WSCD1: variants seen among roughly 807,000 people sequenced by gnomAD.
The protein encoded by WSCD1 is WSC domain sialate O sulfotransferase 1.
In WSCD1, 41 loss-of-function variants were observed where a neutral mutation model predicts 60.4. The observed-to-expected ratio is 0.68, with a 90% CI of 0.53 to 0.88. WSCD1 has a LOEUF of 0.88. Among genes scored for constraint, WSCD1 ranks in the 40% least tolerant of loss-of-function variants. The pLI is 0.00. For synonymous variants in WSCD1, 361 were observed against 332.5 expected (o/e 1.09, Z -0.93); for missense variants, 784 against 796.2 (o/e 0.98, Z 0.18).
At chr17:6,087,182 C>T (rs1392749246) in intron 2 of WSCD1, among the ~76,000 whole-genome samples, 4 of 152,186 alleles carry the variant, frequency 2.6e-5, no homozygotes, top group African/African-American at 7.2e-5. Flanking sequence ...GCGTTTGCAT[C>T]AGGACTGCCA....
At chr17:6,109,818 G>A (rs1211784565) in intron 6 of WSCD1, 52 bp downstream of exon 6, 1 of 1,587,236 alleles carries the variant, frequency 6.3e-7, no homozygotes, top group East Asian at 2.3e-5. Context: ...GGGGTGGGGA[G>A]AGCTTCCAGG....
chr17:6,081,155 C>T (rs2150532107), intron 2 of WSCD1, 70 bp downstream of exon 2: 1 of 1,459,528 alleles, frequency 6.9e-7, no homozygotes, highest in Middle Eastern at 1.8e-4. Flanking sequence ...GTTTGGTGTC[C>T]CCTTTCTCTC....
chr17:6,075,795 C>G lies in WSCD1; in HGVS notation c.-288-4576C>G, dbSNP rs565542368. Among the ~76,000 whole-genome samples, 39 of 152,270 alleles carry G rather than the reference C, an allele frequency of 2.6e-4. No homozygotes were observed. The highest frequency in any genetic ancestry group is 8.9e-4 in the African/African-American group (37 of 41,542). ...AGGGATAGAACCCCTCTAGCCTCCC[C>G]CTGAAGCACTCTGCAGGGTTCCAAG... On this transcript the variant is annotated intron_variant, in intron 1 of 8. Transcript: ENST00000317744. This position sits in a 1 kb window ranked among gnomAD's most constrained non-coding sequence, Gnocchi z 4.1.
At position 6,097,644 on chromosome 17, in the gene WSCD1, C is replaced by T. The variant is rs28673092; in HGVS notation, c.849+2421C>T. On this transcript the variant is annotated intron_variant, in intron 5 of 8. Coordinates refer to ENST00000317744, the MANE Select transcript of WSCD1 (RefSeq NM_015253.2). ...CTATTTCCAGCCTTCACAAACGATG[C>T]GGCAGTGACTACCTGTGTATGTACG... Among the ~76,000 whole-genome samples the T allele has an allele frequency of 4.2e-3, 642 of 152,332 alleles. 5 individuals carry two copies. The highest frequency in any genetic ancestry group is 0.014 in the African/African-American group (593 of 41,568).
At position 6,120,564 on chromosome 17, in the gene WSCD1, A is replaced by C. The variant is rs775348031; in HGVS notation, c.1631A>C (p.Glu544Ala). The change falls in exon 9 of 9, where the codon GAG becomes GCG. Residue 544 changes from glutamate to alanine, a missense_variant. Transcript: ENST00000317744. ...RSHDPEPFTPEMKDLINGYIR... is the reference protein window; with the variant it reads ...RSHDPEPFTPAMKDLINGYIR... ...CACGACCCTGAGCCCTTCACCCCGG[A>C]GATGAAAGACTTGATCAATGGCTAC... The C allele has an allele frequency of 2.5e-6, 4 of 1,613,762 alleles. No individual in the cohort carries two copies. Among genetic ancestry groups the C allele is most frequent in the Non-Finnish European group, 2.5e-6 (3 of 1,180,000 alleles).
rs536541638 is a variant in WSCD1 at position 6,101,060 on chromosome 17, G to C, written c.849+5837G>C. On this transcript the variant is annotated intron_variant, in intron 5 of 8. Coordinates refer to ENST00000317744, the MANE Select transcript of WSCD1 (RefSeq NM_015253.2). This position sits in a 1 kb window ranked among gnomAD's most constrained non-coding sequence, Gnocchi z 4.1. ...TCCTCTCTTCCCTCCTGAATGTTGA[G>C]GGTGGCGAGAGAGGTGAATCTGGGG... Among the ~76,000 whole-genome samples, 2 of 152,292 alleles carry C rather than the reference G, an allele frequency of 1.3e-5. No homozygotes were observed. The highest frequency in any genetic ancestry group is 1.3e-4 in the Admixed American group (2 of 15,296).
At position 6,080,550 on chromosome 17, in the gene WSCD1, C is replaced by G. The variant is rs142552284; in HGVS notation, c.-109C>G. ...GACCCCAGGCGAGCACAGGCAGGTGCCAGGAGCCAGGATGCAAGGATGACG... is the reference window on the plus strand; with the variant it reads ...GACCCCAGGCGAGCACAGGCAGGTGGCAGGAGCCAGGATGCAAGGATGACG... On this transcript the variant is annotated 5_prime_UTR_variant, in exon 2 of 9. Transcript: ENST00000317744. This position sits in a 1 kb window ranked among gnomAD's most constrained non-coding sequence, Gnocchi z 6.6. The G allele has an allele frequency of 1.7e-6, 2 of 1,200,730 alleles. No individual in the cohort carries two copies. Among genetic ancestry groups the G allele is most frequent in the African/African-American group, 3.1e-5 (2 of 64,826 alleles). The allele number at this position is 1,200,730 out of a possible 1,614,324, so 74.4% of individuals were successfully genotyped here.
At chr17:6,074,517 A>G (rs1908730775) in intron 1 of WSCD1, among the ~76,000 whole-genome samples, 1 of 152,250 alleles carries the variant, frequency 6.6e-6, no homozygotes, top group Admixed American at 6.5e-5. Context: ...AAGGAGAGGT[A>G]GGGACATTAG....
intron 5 of WSCD1, among the ~76,000 whole-genome samples, chr17:6,102,844 G>A (rs1269724348): frequency 2.0e-5 from 3 of 150,650 alleles, no homozygotes; most frequent in Non-Finnish European, 4.4e-5. Flanking sequence ...TTTCCTTATT[G>A]CTGTTATAAA....
Position 6,087,940 on chromosome 17 carries a change from G to A in WSCD1, c.428-50G>A, listed in dbSNP as rs370152928. ...GTTCCCCTGGCTTTTCCTAAGGGTGGGCCCATGATTCCTGGGCCTCTGGTA... is the reference window on the plus strand; with the variant it reads ...GTTCCCCTGGCTTTTCCTAAGGGTGAGCCCATGATTCCTGGGCCTCTGGTA... On this transcript the variant is annotated intron_variant, in intron 2 of 8. Coordinates refer to ENST00000317744, the MANE Select transcript of WSCD1 (RefSeq NM_015253.2). 6 of 1,476,876 alleles carry A rather than the reference G, an allele frequency of 4.1e-6. No homozygotes were observed. The African/African-American group carries it at 4.1e-5, about 10-fold the overall frequency. The allele number at this position is 1,476,876 out of a possible 1,614,324, so 91.5% of individuals were successfully genotyped here.
In WSCD1 at chr17:6,120,705, C is replaced by T. The variant is rs1201019153; in HGVS notation, c.*44C>T. 3.2e-6 allele frequency: 5 copies of T among 1,558,840 alleles called. No homozygotes were observed. Among genetic ancestry groups the T allele is most frequent in the Admixed American group, 1.8e-5 (1 of 56,940 alleles). ...CCGCCCCCGCTGAGTGACGCAATCG[C>T]ACCACGGGGCTGCGCTCCCCACTCT... is the stretch of plus-strand genomic sequence containing the variant. On this transcript the variant is annotated 3_prime_UTR_variant, in exon 9 of 9. Transcript: ENST00000317744.
rs1490298783 is a variant in WSCD1, at chr17:6,080,311, T to C, written c.-288-60T>C. ...GCACAGGGTGAGGGGTGTCCCAGCC[T>C]GGGAGTGCCAGGTAGTGGACCCGCC... On this transcript the variant is annotated intron_variant, in intron 1 of 8. Transcript: ENST00000317744. The surrounding 1 kb of genome is among the most constrained non-coding windows in gnomAD (Gnocchi z 6.6). 3.1e-6 allele frequency: 1 copy of C among 321,628 alleles called. No individual in the cohort carries two copies. The highest frequency in any genetic ancestry group is 5.1e-5 in the Admixed American group (1 of 19,764). 19.9% of individuals were successfully genotyped at this position (321,628 alleles called of 1,614,324 possible).
chr17:6,094,573 G>A (rs939500380), intron 4 of WSCD1, among the ~76,000 whole-genome samples: 3 of 125,442 alleles, frequency 2.4e-5, no homozygotes, highest in African/African-American at 5.9e-5. Context: ...GGAAGGAAAA[G>A]GAAGGAGAAG....
intron 5 of WSCD1, among the ~76,000 whole-genome samples, chr17:6,096,979 G>A (rs1217779596): frequency 1.3e-5 from 2 of 152,242 alleles, no homozygotes; most frequent in East Asian, 3.9e-4. Flanking sequence ...GCTCCCAATG[G>A]GGGATACTCA....
rs1270744477 is a variant in WSCD1 at position 6,124,000 on chromosome 17, T to C, written c.*3339T>C. On this transcript the variant is annotated 3_prime_UTR_variant, in exon 9 of 9. Transcript: ENST00000317744. ...TCCTTTCCCAGCAACCCCCCATTTC[T>C]GTTTGGGAATTCATATGATCTGCCA... 1 of 152,182 alleles carries C rather than the reference T, an allele frequency of 6.6e-6. No homozygotes were observed. The highest frequency in any genetic ancestry group is 6.5e-5 in the Admixed American group (1 of 15,274). 9.4% of individuals were successfully genotyped at this position (152,182 alleles called of 1,614,324 possible). A position where few individuals can be genotyped will look rare whatever the true frequency, so the allele number is the denominator to read the frequency against.
intron 6 of WSCD1, 37 bp downstream of exon 6, chr17:6,109,803 T>C: frequency 6.3e-7 from 1 of 1,597,160 alleles, no homozygotes; most frequent in South Asian, 1.1e-5. Context: ...TGGCATTTGG[T>C]CTGGGGGGTG....
chr17:6,095,153 A>G lies in WSCD1; in HGVS notation c.779A>G (p.His260Arg), dbSNP rs1372405992. ...GCFRLPENITHAFPSSLIQAN... is the reference protein window; with the variant it reads ...GCFRLPENITRAFPSSLIQAN... ...TTCCGACTGCCAGAGAACATCACAC[A>G]TGCCTTCCCCAGCTCCCTGATACAG... is the stretch of plus-strand genomic sequence containing the variant. The change falls in exon 5 of 9, where the codon CAT (histidine) becomes CGT (arginine). Residue 260 changes from histidine to arginine, a missense_variant. Coordinates refer to ENST00000317744, the MANE Select transcript of WSCD1 (RefSeq NM_015253.2). 3 of 1,613,524 alleles carry G rather than the reference A, an allele frequency of 1.9e-6. No homozygotes were observed. Among genetic ancestry groups the G allele is most frequent in the African/African-American group, 1.3e-5 (1 of 74,892 alleles).
chr17:6,109,251 A>G (rs1567559949), intron 5 of WSCD1, among the ~76,000 whole-genome samples: 1 of 152,020 alleles, frequency 6.6e-6, no homozygotes, highest in Non-Finnish European at 1.5e-5. Context: ...ACTCCTGACA[A>G]ATGCCTTGGA....
At chr17:6,109,082 G>A (rs756205847) in intron 5 of WSCD1, among the ~76,000 whole-genome samples, 52 of 152,300 alleles carry the variant, frequency 3.4e-4, no homozygotes, top group Non-Finnish European at 5.3e-4. Flanking sequence ...AGAGGGAATC[G>A]AATCTCAGTC....
Sources: allele counts gnomAD v4.1 joint callset (sites outside exome capture counted in the v4.1 genomes callset), GRCh38; gene constraint gnomAD v4.1.1; non-coding constraint Gnocchi (gnomAD v3.1); transcripts MANE v1.5; gene names NCBI Gene and HGNC (gene_info 2026-07-23, HGNC 2026-07-21).